The following FILIP1 variants were observed in gnomAD, a reference collection of about 807,000 sequenced individuals.
FILIP1 encodes the protein filamin-A-interacting protein 1.
Under a neutral mutation model 102.1 loss-of-function variants are expected in FILIP1, and 61 were observed. That is an observed-to-expected ratio of 0.60 (90% CI 0.49 to 0.74). FILIP1 has a LOEUF of 0.74. Ranked by LOEUF, FILIP1 falls within the 30% of genes least tolerant of loss-of-function variation. The probability of loss-of-function intolerance (pLI) is 0.00; values close to 1 mark genes in which losing one functional copy is unlikely to be tolerated. For synonymous variants in FILIP1, 491 were observed against 526.9 expected (o/e 0.93, Z 0.93); for missense variants, 1,314 against 1,441.2 (o/e 0.91, Z 1.43).
chr6:75,406,706 C>A (rs117686665), intron 2 of FILIP1, among the ~76,000 whole-genome samples: 45 of 144,840 alleles, frequency 3.1e-4, no homozygotes, highest in Non-Finnish European at 5.8e-4. Flanking sequence ...GTCACCCAGG[C>A]AGGAGTGTAG....
chr6:75,348,717 T>C (rs1382342575), intron 4 of FILIP1, among the ~76,000 whole-genome samples: 1 of 152,220 alleles, frequency 6.6e-6, no homozygotes, highest in African/African-American at 2.4e-5. Context: ...ATAAACCTCA[T>C]TAACCTTCTG....
chr6:75,364,709 C>T (rs1395420484), intron 2 of FILIP1, among the ~76,000 whole-genome samples: 5 of 152,192 alleles, frequency 3.3e-5, no homozygotes, highest in African/African-American at 9.7e-5. Flanking sequence ...CTTTTTAAGG[C>T]TCCCAGGTGA....
rs368818891 is a variant in FILIP1 at position 75,492,482 on chromosome 6, A to G, written c.-7+932T>C. ...AATATTTTTATGGAAATCTACCCCA[A>G]TTACAAACCACCAGATGTCAATACT... On this transcript the variant is annotated intron_variant, in intron 1 of 5. Coordinates refer to ENST00000237172, the MANE Select transcript of FILIP1 (RefSeq NM_015687.5). 2.2e-4 allele frequency among the ~76,000 whole-genome samples: 34 copies of G among 152,270 alleles called. No homozygotes were observed. The South Asian group carries it at 6.8e-3, about 31-fold the overall frequency.
rs534742803 is a variant in FILIP1 at position 75,404,138 on chromosome 6, G to A, written c.276+10559C>T. On this transcript the variant is annotated intron_variant, in intron 2 of 5. Transcript: ENST00000237172. ...TATAGTCCTAGGCACTTGAGAGGCTGAGGTGGGGGGATCACTTGAGCCCAG... is the reference window on the plus strand; with the variant it reads ...TATAGTCCTAGGCACTTGAGAGGCTAAGGTGGGGGGATCACTTGAGCCCAG... Among the ~76,000 whole-genome samples, 11 of 152,288 alleles carry A rather than the reference G, an allele frequency of 7.2e-5. No homozygotes were observed. The South Asian group carries it at 2.3e-3, about 32-fold the overall frequency.
intron 4 of FILIP1, among the ~76,000 whole-genome samples, chr6:75,347,918 C>T (rs1341492416): frequency 2.6e-5 from 4 of 152,178 alleles, no homozygotes; most frequent in Non-Finnish European, 5.9e-5. Flanking sequence ...CTTTAAAAAA[C>T]TTAACTTACA....
chr6:75,340,555 C>T (rs556333732), intron 4 of FILIP1, among the ~76,000 whole-genome samples: 1 of 152,354 alleles, frequency 6.6e-6, no homozygotes, highest in African/African-American at 2.4e-5. Context: ...TCCATCAGCT[C>T]TATTGGTCTG....
intron 6 of FILIP1, among the ~76,000 whole-genome samples, chr6:75,300,726 G>A (rs1361873268): frequency 6.6e-6 from 1 of 152,204 alleles, no homozygotes; most frequent in Non-Finnish European, 1.5e-5. Flanking sequence ...CCGCTAATAG[G>A]TTCTGTCATT....
chr6:75,315,321 C>A, intron 4 of FILIP1, 119 bp from the exon 5 acceptor site: 1 of 645,526 alleles, frequency 1.5e-6, no homozygotes, highest in Middle Eastern at 4.4e-4. Context: ...GCTATAATTT[C>A]AATGTTTAAA....
chr6:75,442,926 T>A (rs990365918), intron 1 of FILIP1, among the ~76,000 whole-genome samples: 10 of 152,216 alleles, frequency 6.6e-5, no homozygotes, highest in Non-Finnish European at 1.2e-4. Context: ...AGAAGAGCAA[T>A]CTTTTTACTA....
intron 1 of FILIP1, among the ~76,000 whole-genome samples, chr6:75,475,196 A>G (rs956181303): frequency 1.3e-5 from 2 of 152,238 alleles, no homozygotes; most frequent in Non-Finnish European, 2.9e-5. Flanking sequence ...TCAATAAAGC[A>G]TATCTTAAAT....
chr6:75,399,668 A>G (rs1285429423), intron 2 of FILIP1, among the ~76,000 whole-genome samples: 1 of 152,170 alleles, frequency 6.6e-6, no homozygotes, highest in East Asian at 1.9e-4. Flanking sequence ...AACGGAGTTT[A>G]CTTAAACCCT....
intron 2 of FILIP1, among the ~76,000 whole-genome samples, chr6:75,376,477 C>T (rs746610222): frequency 7.9e-5 from 12 of 152,186 alleles, no homozygotes; most frequent in Admixed American, 1.3e-4. Context: ...TTGTTTACTA[C>T]AGCTATGTGA....
chr6:75,390,006 A>C (rs1174433457), intron 2 of FILIP1, among the ~76,000 whole-genome samples: 2 of 152,114 alleles, frequency 1.3e-5, no homozygotes, highest in South Asian at 2.1e-4. Context: ...TAAAACAAAC[A>C]AACAAACAAA....
chr6:75,422,017 T>C (rs1171241127), intron 1 of FILIP1, among the ~76,000 whole-genome samples: 2 of 152,176 alleles, frequency 1.3e-5, no homozygotes, highest in Non-Finnish European at 2.9e-5. Context: ...TTTTAACTTT[T>C]TTCCTTTTTA....
At chr6:75,391,240 C>T (rs1776271258) in intron 2 of FILIP1, among the ~76,000 whole-genome samples, 1 of 151,966 alleles carries the variant, frequency 6.6e-6, no homozygotes, top group Non-Finnish European at 1.5e-5. Context: ...AATGTCATGC[C>T]CATTCTCTCA....
intron 2 of FILIP1, among the ~76,000 whole-genome samples, chr6:75,413,978 A>G (rs1777165946): frequency 6.6e-6 from 1 of 151,026 alleles, no homozygotes; most frequent in South Asian, 2.1e-4. Flanking sequence ...CATAGGACGA[A>G]GAATCAGGAA....
At chr6:75,315,337 GC>G in intron 4 of FILIP1, 135 bp from the exon 5 acceptor site, 1 of 606,088 alleles carries the variant, frequency 1.6e-6, no homozygotes, top group Non-Finnish European at 2.6e-6. Context: ...TTAAAGAATA[GC>G]CATTAATGAA....
Position 75,372,157 on chromosome 6 carries a change from C to T in FILIP1, c.277-9240G>A, listed in dbSNP as rs1340408703. ...GTGGGTGGATCACCTGAGGTGAGAT[C>T]GGGAGTTTGAGACCAGCCTGACCAA... On this transcript the variant is annotated intron_variant, in intron 2 of 5. Coordinates refer to ENST00000237172, the MANE Select transcript of FILIP1 (RefSeq NM_015687.5). Among the ~76,000 whole-genome samples, 5 of 151,910 alleles carry T rather than the reference C, an allele frequency of 3.3e-5. No individual in the cohort carries two copies. In the South Asian group the frequency reaches 8.3e-4, roughly 25 times the overall value.
At chr6:75,433,544 T>C (rs1777901833) in intron 1 of FILIP1, among the ~76,000 whole-genome samples, 1 of 152,230 alleles carries the variant, frequency 6.6e-6, no homozygotes, top group Non-Finnish European at 1.5e-5. Flanking sequence ...TGTAAATTTG[T>C]TTAAGTTCTT....
Sources: gnomAD v4.1 joint callset for allele counts (sites outside exome capture counted in the v4.1 genomes callset) on GRCh38, gnomAD v4.1.1 for gene constraint, MANE v1.5 for transcripts, NCBI Gene and HGNC (gene_info 2026-07-23, HGNC 2026-07-21) for gene names.